The following CNIH3 variants were observed in gnomAD, a reference collection of about 807,000 sequenced individuals.
The protein encoded by CNIH3 is cornichon family AMPA receptor auxiliary protein 3.
CNIH3 carries 14 observed loss-of-function variants against 24.1 expected under a neutral mutation model. That is an observed-to-expected ratio of 0.58 (90% CI 0.38 to 0.91). The LOEUF (loss-of-function observed/expected upper bound fraction) is 0.91, where lower values mean the gene tolerates loss of function less well. Among genes scored for constraint, CNIH3 ranks in the 40% least tolerant of loss-of-function variants. The pLI is 0.00. For synonymous variants in CNIH3, 68 were observed against 73.8 expected (o/e 0.92, Z 0.40); for missense variants, 178 against 196.8 (o/e 0.90, Z 0.57).
At chr1:224,717,273 C>T (rs113138700) in intron 3 of CNIH3, among the ~76,000 whole-genome samples, 1 of 152,296 alleles carries the variant, frequency 6.6e-6, no homozygotes, top group African/African-American at 2.4e-5. Flanking sequence ...GGGCCCTCTT[C>T]CTGATCTGCA....
intron 3 of CNIH3, among the ~76,000 whole-genome samples, chr1:224,707,949 C>G (rs899180640): frequency 1.3e-4 from 20 of 152,172 alleles, no homozygotes; most frequent in African/African-American, 4.8e-4. Flanking sequence ...GAGACCCTCT[C>G]TGTCCACTAG....
chr1:224,490,893 A>C (rs1371048658), intron 1 of CNIH3, among the ~76,000 whole-genome samples: 1 of 152,252 alleles, frequency 6.6e-6, no homozygotes, highest in African/African-American at 2.4e-5. Flanking sequence ...GAGAAATGAC[A>C]TACAGAAATT....
chr1:224,513,335 T>G (rs1678236848), upstream of CNIH3, among the ~76,000 whole-genome samples: 1 of 42,038 alleles, frequency 2.4e-5, no homozygotes, highest in African/African-American at 9.2e-5. Context: ...TTAATTTTTG[T>G]AGAGTTGGGG....
intron 1 of CNIH3, among the ~76,000 whole-genome samples, chr1:224,489,000 G>T (rs891978236): frequency 6.6e-6 from 1 of 152,030 alleles, no homozygotes; most frequent in Non-Finnish European, 1.5e-5. Context: ...GATCTTCATT[G>T]ATTTTATTCT....
intron 1 of CNIH3, among the ~76,000 whole-genome samples, chr1:224,438,846 G>A (rs1674776221): frequency 6.6e-6 from 1 of 152,192 alleles, no homozygotes; most frequent in African/African-American, 2.4e-5. Flanking sequence ...TAGAGTTAAT[G>A]TGTGGGTCAT....
At position 224,703,082 on chromosome 1, in the gene CNIH3, C is replaced by G. The variant is rs1276594611; in HGVS notation, c.198+18239C>G. Among the ~76,000 whole-genome samples, 2 of 152,218 alleles carry G rather than the reference C, an allele frequency of 1.3e-5. No individual in the cohort carries two copies. Among genetic ancestry groups the G allele is most frequent in the Non-Finnish European group, 2.9e-5 (2 of 68,042 alleles). ...GATAGCTCCAGTATGCAGGCAGAGG[C>G]AAACCATTGCCCTGTTTTTTTCCAG... On this transcript the variant is annotated intron_variant, in intron 3 of 5. Coordinates refer to ENST00000272133, the MANE Select transcript of CNIH3 (RefSeq NM_152495.2). The surrounding 1 kb of genome is among the most constrained non-coding windows in gnomAD (Gnocchi z 4.2).
chr1:224,667,753 TAAA>T (rs5781378), intron 1 of CNIH3, among the ~76,000 whole-genome samples: 1 of 137,854 alleles, frequency 7.3e-6, no homozygotes, highest in Non-Finnish European at 1.6e-5. Flanking sequence ...GTCAGTCCAA[TAAA>T]AAAAAAAAAA....
Position 224,617,034 on chromosome 1 carries a change from C to G in CNIH3, c.-141C>G. 7.0e-7 allele frequency: 1 copy of G among 1,426,956 alleles called. No homozygotes were observed. The allele number at this position is 1,426,956 out of a possible 1,614,324, so 88.4% of individuals were successfully genotyped here. On this transcript the variant is annotated 5_prime_UTR_variant, in exon 1 of 6. Transcript: ENST00000272133. ...TTATTCGCTGACCCTCGAGTCGCTT[C>G]GCTAGCTGTGCGCCCTCCTGGGCAC... is the stretch of plus-strand genomic sequence containing the variant.
downstream of CNIH3, among the ~76,000 whole-genome samples, chr1:224,539,557 T>C (rs1679431763): frequency 6.6e-6 from 1 of 152,192 alleles, no homozygotes; most frequent in South Asian, 2.1e-4. Context: ...AGATACGTGG[T>C]TCAGTTCCAG....
At chr1:224,512,355 G>A (rs1241723414), upstream of CNIH3, among the ~76,000 whole-genome samples, 7 of 152,088 alleles carry the variant, frequency 4.6e-5, no homozygotes, top group African/African-American at 1.4e-4. Context: ...GGTGGTGCAC[G>A]CCTGTAGTTC....
upstream of CNIH3, among the ~76,000 whole-genome samples, chr1:224,512,462 A>C (rs534369624): frequency 6.6e-6 from 1 of 152,374 alleles, no homozygotes; most frequent in East Asian, 1.9e-4. Flanking sequence ...CTGAGGCAAC[A>C]GAGTGAGACC....
At chr1:224,716,844 C>T (rs1372489335) in intron 3 of CNIH3, among the ~76,000 whole-genome samples, 2 of 152,130 alleles carry the variant, frequency 1.3e-5, no homozygotes, top group Non-Finnish European at 2.9e-5. Flanking sequence ...TAAGAAAGGA[C>T]GGGAAGTGCT....
intron 2 of CNIH3, among the ~76,000 whole-genome samples, chr1:224,681,777 T>C (rs1686416447): frequency 6.6e-6 from 1 of 152,198 alleles, no homozygotes; most frequent in Non-Finnish European, 1.5e-5. Flanking sequence ...AGACCAACCC[T>C]GTATGTGGAC....
chr1:224,702,600 C>G (rs949851842), intron 3 of CNIH3, among the ~76,000 whole-genome samples: 3 of 152,214 alleles, frequency 2.0e-5, no homozygotes, highest in Non-Finnish European at 4.4e-5. Flanking sequence ...CAGTCAGGAA[C>G]TTCTTCTCAG....
intron 3 of CNIH3, among the ~76,000 whole-genome samples, chr1:224,607,658 G>A (rs1481692660): frequency 1.3e-5 from 2 of 152,170 alleles, no homozygotes; most frequent in Non-Finnish European, 2.9e-5. Context: ...TCCCTTACCT[G>A]TAAAAGTAAG....
At chr1:224,551,590 G>A (rs541310700) in intron 3 of CNIH3, among the ~76,000 whole-genome samples, 6 of 152,124 alleles carry the variant, frequency 3.9e-5, no homozygotes, top group African/African-American at 1.4e-4. Context: ...TCAAAGTGAC[G>A]TTATTTCATT....
intron 4 of CNIH3, among the ~76,000 whole-genome samples, chr1:224,567,129 C>T (rs1680613318): frequency 6.6e-6 from 1 of 152,200 alleles, no homozygotes; most frequent in East Asian, 1.9e-4. Context: ...TGATGATGAG[C>T]ATTTTTTCAT....
chr1:224,619,522 C>G (rs1683181627), intron 1 of CNIH3, among the ~76,000 whole-genome samples: 1 of 152,202 alleles, frequency 6.6e-6, no homozygotes, highest in Non-Finnish European at 1.5e-5. Flanking sequence ...CTATCCCTTT[C>G]CCTCTCTCCA....
intron 3 of CNIH3, among the ~76,000 whole-genome samples, chr1:224,687,049 G>A (rs564223319): frequency 6.6e-6 from 1 of 152,242 alleles, no homozygotes; most frequent in Non-Finnish European, 1.5e-5. Context: ...CATCGTCGTG[G>A]AAAATACCGG....
Sources: gnomAD v4.1 joint callset for allele counts (sites outside exome capture counted in the v4.1 genomes callset) on GRCh38, gnomAD v4.1.1 for gene constraint, Gnocchi (gnomAD v3.1) non-coding constraint, MANE v1.5 for transcripts, NCBI Gene and HGNC (gene_info 2026-07-23, HGNC 2026-07-21) for gene names.